HDAC4: variants seen among roughly 807,000 people sequenced by gnomAD.
HDAC4 encodes histone deacetylase A.
A neutral mutation model predicts 135.1 loss-of-function variants in HDAC4; 16 were observed. The observed-to-expected ratio is 0.12, with a 90% CI of 0.08 to 0.18. The LOEUF (loss-of-function observed/expected upper bound fraction) is 0.18. Among genes scored for constraint, HDAC4 ranks in the 10% least tolerant of loss-of-function variants. The pLI is 1.00. For missense variants in HDAC4, 1,143 were observed against 1,511.8 expected (o/e 0.76, Z 4.05); for synonymous variants, 685 against 653.4 (o/e 1.05, Z -0.74).
At chr2:239,347,081 T>G (rs1048683173) in intron 2 of HDAC4, among the ~76,000 whole-genome samples, 3 of 147,620 alleles carry the variant, frequency 2.0e-5, no homozygotes, top group African/African-American at 7.8e-5. Context: ...ACACACACCC[T>G]AACACACACT....
intron 5 of HDAC4, among the ~76,000 whole-genome samples, chr2:239,168,601 G>GTT (rs1470757324): frequency 6.6e-6 from 1 of 152,184 alleles, no homozygotes; most frequent in Non-Finnish European, 1.5e-5. Flanking sequence ...GCTGTGCACC[G>GTT]TGTTTTCAAA....
At chr2:239,296,803 C>T (rs144069122) in intron 2 of HDAC4, among the ~76,000 whole-genome samples, 3 of 152,130 alleles carry the variant, frequency 2.0e-5, no homozygotes, top group South Asian at 2.1e-4. Context: ...GGAGATTCTT[C>T]GGGGCAGATA....
chr2:239,074,155 C>T (rs906540209), intron 22 of HDAC4, among the ~76,000 whole-genome samples: 2 of 152,196 alleles, frequency 1.3e-5, no homozygotes, highest in African/African-American at 2.4e-5. Context: ...CAAGGAGACT[C>T]GCTTCTAATT....
intron 2 of HDAC4, among the ~76,000 whole-genome samples, chr2:239,290,723 C>T (rs926134645): frequency 6.6e-6 from 1 of 152,036 alleles, no homozygotes; most frequent in African/African-American, 2.4e-5. Flanking sequence ...CACATACGCA[C>T]TCACGTACGC....
At chr2:239,269,897 T>G (rs1340552689) in intron 2 of HDAC4, among the ~76,000 whole-genome samples, 1 of 152,214 alleles carries the variant, frequency 6.6e-6, no homozygotes, top group Non-Finnish European at 1.5e-5. Flanking sequence ...CTGGCTCGGA[T>G]CTCATCCCAG....
At chr2:239,231,423 G>GC (rs2047547061) in intron 3 of HDAC4, among the ~76,000 whole-genome samples, 1 of 151,048 alleles carries the variant, frequency 6.6e-6, no homozygotes, top group Non-Finnish European at 1.5e-5. Context: ...TGGGACAGCG[G>GC]CCACGGGATC....
intron 2 of HDAC4, among the ~76,000 whole-genome samples, chr2:239,274,611 G>A (rs544679443): frequency 5.6e-4 from 86 of 152,310 alleles, no homozygotes; most frequent in African/African-American, 1.9e-3. Context: ...TGCCTACCTC[G>A]AAAATAACCA....
At chr2:239,229,196 C>T (rs2153155603) in intron 3 of HDAC4, among the ~76,000 whole-genome samples, 1 of 152,256 alleles carries the variant, frequency 6.6e-6, no homozygotes, top group South Asian at 2.1e-4. Flanking sequence ...AGTAATGGGG[C>T]CAATTCGCCT....
intron 21 of HDAC4, among the ~76,000 whole-genome samples, chr2:239,081,572 C>T (rs1395489871): frequency 6.6e-6 from 1 of 152,242 alleles, no homozygotes; most frequent in Non-Finnish European, 1.5e-5. Context: ...TCATTTCCTA[C>T]TTCCTCTAAA....
intron 2 of HDAC4, among the ~76,000 whole-genome samples, chr2:239,302,276 G>A (rs2052312086): frequency 6.6e-6 from 1 of 152,124 alleles, no homozygotes; most frequent in South Asian, 2.1e-4. Context: ...AGCCAAAGGA[G>A]GCATCAAGCT....
rs141397111 is a variant in HDAC4 at position 239,362,867 on chromosome 2, A to G, written c.-219-9949T>C. On this transcript the variant is annotated intron_variant, in intron 1 of 26. Transcript: ENST00000543185. The stretch of plus-strand genomic sequence containing the variant: ...AAAGATTACAAAGGAAAATGTCACT[A>G]TTCACAGATGATATAGTGTATACAC... 7.2e-5 allele frequency among the ~76,000 whole-genome samples: 11 copies of G among 152,364 alleles called. No homozygotes were observed. The East Asian group carries it at 1.9e-3, about 27-fold the overall frequency.
chr2:239,161,892 A>T (rs1490392559), intron 6 of HDAC4: 6 of 354,632 alleles, frequency 1.7e-5, no homozygotes, highest in South Asian at 4.3e-5. Context: ...GCCCCAGGCC[A>T]CTTCTTCTCC....
At chr2:239,071,658 C>T (rs1241293119) in intron 22 of HDAC4, among the ~76,000 whole-genome samples, 2 of 152,086 alleles carry the variant, frequency 1.3e-5, no homozygotes, top group African/African-American at 4.8e-5. Context: ...GTGGTTGTGC[C>T]TTGTCTTCAG....
chr2:239,094,772 T>C (rs968376176), intron 17 of HDAC4: 10 of 1,384,066 alleles, frequency 7.2e-6, no homozygotes, highest in East Asian at 5.9e-5. Flanking sequence ...CGAGAGCCAC[T>C]GCACCCCAGA....
In HDAC4 at chr2:239,316,833, G is replaced by A. The variant is rs980531034; in HGVS notation, c.22+35845C>T. Reference sequence around the variant, plus strand: ...AAGGACAGGGGACAGCAGGGGTAGGGGACCCGCTTCTCTGAGTCTGGCTGC... The same window carrying A: ...AAGGACAGGGGACAGCAGGGGTAGGAGACCCGCTTCTCTGAGTCTGGCTGC... On this transcript the variant is annotated intron_variant, in intron 2 of 26. Coordinates refer to ENST00000543185, the MANE Select transcript of HDAC4 (RefSeq NM_001378414.1). Among the ~76,000 whole-genome samples the A allele has an allele frequency of 5.3e-5, 8 of 152,186 alleles. No homozygotes were observed. In the South Asian group the frequency reaches 1.2e-3, roughly 24 times the overall value.
chr2:239,232,146 A>ACACCCAC (rs2047612340), intron 3 of HDAC4, among the ~76,000 whole-genome samples: 1 of 152,256 alleles, frequency 6.6e-6, no homozygotes, highest in Admixed American at 6.5e-5. Flanking sequence ...TTGGAACCCA[A>ACACCCAC]CACCCACCAC....
chr2:239,296,256 G>A (rs1444051377), intron 2 of HDAC4, among the ~76,000 whole-genome samples: 1 of 152,230 alleles, frequency 6.6e-6, no homozygotes, highest in African/African-American at 2.4e-5. Context: ...CACGCACACA[G>A]AGGATGTGCT....
At chr2:239,183,384 C>T (rs773431004) in intron 4 of HDAC4, among the ~76,000 whole-genome samples, 1 of 152,258 alleles carries the variant, frequency 6.6e-6, no homozygotes, top group South Asian at 2.1e-4. Flanking sequence ...TGGGCAGATG[C>T]CGCGCCCGCA....
chr2:239,191,402 A>G (rs1328034635), intron 3 of HDAC4, among the ~76,000 whole-genome samples: 1 of 152,142 alleles, frequency 6.6e-6, no homozygotes, highest in East Asian at 1.9e-4. Context: ...TGCACTCCAC[A>G]GTCTCAAAGC....
Sources: allele counts gnomAD v4.1 joint callset (sites outside exome capture counted in the v4.1 genomes callset), GRCh38; gene constraint gnomAD v4.1.1; transcripts MANE v1.5; gene names NCBI Gene and HGNC (gene_info 2026-07-23, HGNC 2026-07-21).